Variants in AUTS2 observed in about 807,000 individuals in gnomAD.
The protein encoded by AUTS2 is autism susceptibility gene 2 protein.
AUTS2 carries 17 observed loss-of-function variants against 112.4 expected under a neutral mutation model. The ratio of observed to expected loss-of-function variants is 0.15; its 90% CI spans 0.10 to 0.23. The LOEUF (loss-of-function observed/expected upper bound fraction) is 0.23. Ranked by LOEUF, AUTS2 falls within the 10% of genes least tolerant of loss-of-function variation. The pLI is 1.00. For synonymous variants in AUTS2, 751 were observed against 702.7 expected, an observed-to-expected ratio of 1.07 and a Z score of -1.09; for missense variants, 1,510 against 1,701.6, an observed-to-expected ratio of 0.89 and a Z score of 1.98.
At chr7:70,567,209 C>A (rs1242198223) in intron 5 of AUTS2, among the ~76,000 whole-genome samples, 2 of 152,214 alleles carry the variant, frequency 1.3e-5, no homozygotes, top group Non-Finnish European at 2.9e-5. Flanking sequence ...AACCTTTGCA[C>A]CAGAGAAATG....
At position 70,624,986 on chromosome 7, in the gene AUTS2, G is replaced by A. The variant is rs1268089869; in HGVS notation, c.691-73583G>A. Among the ~76,000 whole-genome samples, 4 of 152,016 alleles carry A rather than the reference G, an allele frequency of 2.6e-5. No homozygotes were observed. In the South Asian group the frequency reaches 6.3e-4, roughly 24 times the overall value. ...CCCAGCTCACCAGTTTCCTCCTCGGGCTGTTCCACTCCACAGCCAGCAGCC... is the reference window on the plus strand; with the variant it reads ...CCCAGCTCACCAGTTTCCTCCTCGGACTGTTCCACTCCACAGCCAGCAGCC... On this transcript the variant is annotated intron_variant, in intron 5 of 18. Transcript: ENST00000342771.
At chr7:70,126,850 C>T (rs867582262) in intron 3 of AUTS2, among the ~76,000 whole-genome samples, 6 of 152,116 alleles carry the variant, frequency 3.9e-5, no homozygotes, top group African/African-American at 9.7e-5. Flanking sequence ...CTTGCTGTGT[C>T]GCCCAGGCTG....
At chr7:70,687,807 TG>T (rs1199532740) in intron 5 of AUTS2, among the ~76,000 whole-genome samples, 3 of 152,172 alleles carry the variant, frequency 2.0e-5, no homozygotes, top group Non-Finnish European at 4.4e-5. Context: ...GCAGAGGAAC[TG>T]GGGGCCACCT....
chr7:70,472,075 T>G (rs1797406400), intron 5 of AUTS2, among the ~76,000 whole-genome samples: 1 of 152,192 alleles, frequency 6.6e-6, no homozygotes, highest in African/African-American at 2.4e-5. Context: ...CCACATGCTC[T>G]GAGTACTGGC....
At chr7:70,092,250 T>C (rs1803959643) in intron 2 of AUTS2, among the ~76,000 whole-genome samples, 1 of 152,176 alleles carries the variant, frequency 6.6e-6, no homozygotes, top group Non-Finnish European at 1.5e-5. Context: ...AGCCGTAAAC[T>C]TAATTATCGC....
intron 4 of AUTS2, among the ~76,000 whole-genome samples, chr7:70,236,325 A>T (rs1332506715): frequency 6.6e-6 from 1 of 152,168 alleles, no homozygotes; most frequent in Non-Finnish European, 1.5e-5. Context: ...CTCTAATGAG[A>T]TAGTACAGTA....
intron 6 of AUTS2, among the ~76,000 whole-genome samples, chr7:70,723,955 C>T (rs1384720269): frequency 1.3e-5 from 2 of 151,524 alleles, no homozygotes; most frequent in East Asian, 2.0e-4. Flanking sequence ...TGCAGTGGTG[C>T]GATCACCACT....
At chr7:70,588,219 GA>G (rs534661113) in intron 5 of AUTS2, among the ~76,000 whole-genome samples, 8 of 152,200 alleles carry the variant, frequency 5.3e-5, no homozygotes, top group African/African-American at 1.9e-4. Context: ...CTCGAGCAAA[GA>G]AAGAAATCGG....
At chr7:70,359,081 CTACTA>C (rs1490267100) in intron 4 of AUTS2, among the ~76,000 whole-genome samples, 1 of 152,162 alleles carries the variant, frequency 6.6e-6, no homozygotes, top group Non-Finnish European at 1.5e-5. Flanking sequence ...AAGGAATGCT[CTACTA>C]TACAGTGAAA....
chr7:69,968,363 A>C (rs1797713630), intron 2 of AUTS2, among the ~76,000 whole-genome samples: 1 of 152,214 alleles, frequency 6.6e-6, no homozygotes, highest in African/African-American at 2.4e-5. Flanking sequence ...TTGTACCTAA[A>C]ATTTTGATGT....
intron 2 of AUTS2, among the ~76,000 whole-genome samples, chr7:70,074,537 C>G (rs552989789): frequency 3.9e-5 from 6 of 152,228 alleles, no homozygotes; most frequent in East Asian, 3.9e-4. Flanking sequence ...CCTTAAAAAC[C>G]CTGTTTAAGG....
At chr7:70,333,303 A>C (rs1224919829) in intron 4 of AUTS2, among the ~76,000 whole-genome samples, 2 of 152,218 alleles carry the variant, frequency 1.3e-5, no homozygotes, top group East Asian at 3.9e-4. Flanking sequence ...AAAGTCAGGA[A>C]ACAACAGATG....
rs1410231323 is a variant in AUTS2, at chr7:69,942,727, A to C, written c.522+43229A>C. On this transcript the variant is annotated intron_variant, in intron 2 of 18. Coordinates refer to ENST00000342771, the MANE Select transcript of AUTS2 (RefSeq NM_015570.4). ...GACAGTGGCAAGTATAGCATATTTC[A>C]ACTGGTGATTTCTGCATGATTTGCA... 2.6e-5 allele frequency among the ~76,000 whole-genome samples: 4 copies of C among 152,218 alleles called. No homozygotes were observed. The East Asian group carries it at 7.7e-4, about 29-fold the overall frequency.
intron 5 of AUTS2, among the ~76,000 whole-genome samples, chr7:70,557,167 C>A (rs1427078343): frequency 6.6e-6 from 1 of 152,194 alleles, no homozygotes; most frequent in Admixed American, 6.5e-5. Context: ...CATGCCCATG[C>A]AGCAGAGGGG....
chr7:70,269,922 C>T (rs1398527729), intron 4 of AUTS2, among the ~76,000 whole-genome samples: 1 of 152,040 alleles, frequency 6.6e-6, no homozygotes, highest in African/African-American at 2.4e-5. Context: ...TCCTATAATT[C>T]CAGTGCTTTG....
At chr7:70,127,963 T>G (rs1806068518) in intron 3 of AUTS2, among the ~76,000 whole-genome samples, 1 of 144,888 alleles carries the variant, frequency 6.9e-6, no homozygotes, top group Non-Finnish European at 1.5e-5. Context: ...TCTTGAAATC[T>G]TTATTGAGGT....
intron 5 of AUTS2, among the ~76,000 whole-genome samples, chr7:70,617,427 C>T (rs930404153): frequency 6.6e-6 from 1 of 152,040 alleles, no homozygotes; most frequent in Non-Finnish European, 1.5e-5. Context: ...CTTTGGGAGG[C>T]CGAGGTGGGC....
At chr7:70,695,168 T>C in intron 5 of AUTS2, 1 of 152,512 alleles carries the variant, frequency 6.6e-6, no homozygotes, top group Non-Finnish European at 1.5e-5. Context: ...GGGGCGGGCT[T>C]CTCCCGTCTG....
chr7:69,740,523 C>CT (rs11433491), intron 1 of AUTS2, among the ~76,000 whole-genome samples: 91,865 of 150,202 alleles, frequency 0.61, 28,247 homozygotes, highest in East Asian at 0.7. Flanking sequence ...TCAGAAATGT[C>CT]TTTTTTTTTT....
Sources: allele counts gnomAD v4.1 joint callset (sites outside exome capture counted in the v4.1 genomes callset), GRCh38; gene constraint gnomAD v4.1.1; transcripts MANE v1.5; gene names NCBI Gene and HGNC (gene_info 2026-07-23, HGNC 2026-07-21).